CYP3A43: variants seen among roughly 807,000 people sequenced by gnomAD.
The protein encoded by CYP3A43 is cytochrome P450 3A43.
In CYP3A43, 45 loss-of-function variants were observed where a neutral mutation model predicts 58.0. The observed-to-expected ratio is 0.78, with a 90% confidence interval of 0.61 to 0.99. The LOEUF (loss-of-function observed/expected upper bound fraction) is 0.99, where lower values mean the gene tolerates loss of function less well. CYP3A43 is among the 50% of genes least tolerant of loss of function. The pLI, the probability that CYP3A43 is intolerant of heterozygous loss-of-function variation, is 0.00. For synonymous variants in CYP3A43, 191 were observed against 201.4 expected (o/e 0.95, Z 0.44); for missense variants, 593 against 591.9 (o/e 1.00, Z -0.02).
chr7:99,861,583 A>G (rs1274860455), intron 10 of CYP3A43, 30 bp from the exon 11 acceptor site: 23 of 1,597,772 alleles, frequency 1.4e-5, no homozygotes, highest in East Asian at 2.2e-5. Flanking sequence ...CCCAATCTCA[A>G]TTTATCCAAA....
Position 99,855,655 on chromosome 7 carries a change from T to C in CYP3A43, c.735T>C (p.Val245=), listed in dbSNP as rs1312307713. 1.2e-6 allele frequency: 2 copies of C among 1,613,550 alleles called. No individual in the cohort carries two copies. Among genetic ancestry groups the C allele is most frequent in the East Asian group, 2.2e-5 (1 of 44,820 alleles). ...ATATCGGTTTGTTTCCAAAAGATGT[T>C]ACCCATTTTTTAAAAAATTCCATTG... is the stretch of plus-strand genomic sequence containing the variant. ...ALNIGLFPKD[V]THFLKNSIER... Residue 245 remains valine (V), a synonymous_variant, in exon 8 of 13, where the codon GTT becomes GTC. Coordinates refer to ENST00000354829, the MANE Select transcript of CYP3A43 (RefSeq NM_057095.3).
In CYP3A43 at chr7:99,844,019, G is replaced by A. The variant is rs555588061; in HGVS notation, c.219-124G>A. The A allele has an allele frequency of 1.1e-5, 8 of 697,352 alleles. No individual in the cohort carries two copies. In the East Asian group the frequency reaches 2.2e-4, roughly 20 times the overall value. 43.2% of individuals were successfully genotyped at this position (697,352 alleles called of 1,614,324 possible). A position where few individuals can be genotyped will look rare whatever the true frequency, so the allele number is the denominator to read the frequency against. Reference sequence around the variant, plus strand: ...AATTGACCTTGGAGCTGGCTTTGCTGTGTATTGCACAACTGCAAGTATGGA... The same window carrying A: ...AATTGACCTTGGAGCTGGCTTTGCTATGTATTGCACAACTGCAAGTATGGA... On this transcript the variant is annotated intron_variant, in intron 3 of 12. Transcript: ENST00000354829.
At position 99,865,963 on chromosome 7, in the gene CYP3A43, A is replaced by G; in HGVS notation, c.1474A>G (p.Lys492Glu). The G allele has an allele frequency of 6.2e-7, 1 of 1,607,432 alleles. No homozygotes were observed. Reference protein sequence around the residue: ...ILQPEKPIVLKVHLRDGITSG... With the variant: ...ILQPEKPIVLEVHLRDGITSG... ...TCAACCAGAAAAACCTATTGTTCTA[A>G]AAGTGCACTTAAGAGATGGGATTAC... Residue 492 changes from lysine to glutamate, a missense_variant, in exon 13 of 13, where the codon AAA becomes GAA. Lys to Glu is a moderately conservative substitution (Grantham distance 56, BLOSUM62 1). Transcript: ENST00000354829.
At position 99,828,107 on chromosome 7, in the gene CYP3A43, A is replaced by G; in HGVS notation, c.-9A>G. ...ACTCAGAAGACAGAGCTGAAAAAGA[A>G]AACTGGTGATGGATCTCATTCCAAA... On this transcript the variant is annotated 5_prime_UTR_variant, in exon 1 of 13. Transcript: ENST00000354829. The G allele has an allele frequency of 6.2e-7, 1 of 1,612,750 alleles. No individual in the cohort carries two copies. The highest frequency in any genetic ancestry group is 8.5e-7 in the Non-Finnish European group (1 of 1,179,238).
At chr7:99,844,883 A>G (rs1003013612) in intron 4 of CYP3A43, among the ~76,000 whole-genome samples, 1 of 152,102 alleles carries the variant, frequency 6.6e-6, no homozygotes, top group Admixed American at 6.5e-5. Flanking sequence ...ATCCTGGCCA[A>G]CATGGTGAAA....
chr7:99,859,702 T>C lies in CYP3A43; in HGVS notation c.866-128T>C, dbSNP rs569847972. 3.3e-6 allele frequency: 4 copies of C among 1,200,644 alleles called. No individual in the cohort carries two copies. In the South Asian group the frequency reaches 5.6e-5, roughly 17 times the overall value. The allele number at this position is 1,200,644 out of a possible 1,614,324, so 74.4% of individuals were successfully genotyped here. On this transcript the variant is annotated intron_variant, in intron 9 of 12. Coordinates refer to ENST00000354829, the MANE Select transcript of CYP3A43 (RefSeq NM_057095.3). ...CACATCAGAGTGAAGCCACCCGCAGTGTGACTCTGAATTGCTTTTCTATTT... is the reference window on the plus strand; with the variant it reads ...CACATCAGAGTGAAGCCACCCGCAGCGTGACTCTGAATTGCTTTTCTATTT...
chr7:99,854,503 C>A (rs1157526346), intron 7 of CYP3A43, among the ~76,000 whole-genome samples: 1 of 152,124 alleles, frequency 6.6e-6, no homozygotes, highest in Non-Finnish European at 1.5e-5. Flanking sequence ...CCGCGCCCGG[C>A]TGATGATATT....
At chr7:99,852,668 T>C (rs1224187413) in intron 7 of CYP3A43, among the ~76,000 whole-genome samples, 1 of 152,184 alleles carries the variant, frequency 6.6e-6, no homozygotes. Flanking sequence ...TCTGAACACA[T>C]TTGTTAGTTT....
chr7:99,828,095 A>G lies in CYP3A43; in HGVS notation c.-21A>G. 2.5e-6 allele frequency: 4 copies of G among 1,611,050 alleles called. No individual in the cohort carries two copies. The highest frequency in any genetic ancestry group is 3.4e-6 in the Non-Finnish European group (4 of 1,177,982). On this transcript the variant is annotated 5_prime_UTR_variant, in exon 1 of 13. Coordinates refer to ENST00000354829, the MANE Select transcript of CYP3A43 (RefSeq NM_057095.3). ...GCTGAAAGAAAAACTCAGAAGACAG[A>G]GCTGAAAAAGAAAACTGGTGATGGA...
intron 2 of CYP3A43, among the ~76,000 whole-genome samples, chr7:99,837,507 CAAG>C (rs1031350306): frequency 4.6e-5 from 7 of 152,104 alleles, no homozygotes; most frequent in South Asian, 2.1e-4. Context: ...AGAGGAAGAA[CAAG>C]AAGGTTCTGC....
intron 3 of CYP3A43, among the ~76,000 whole-genome samples, chr7:99,843,078 A>C (rs1388175718): frequency 1.3e-5 from 2 of 152,208 alleles, no homozygotes; most frequent in South Asian, 2.1e-4. Context: ...TATTTTATGT[A>C]AAATGGAGAT....
At chr7:99,840,981 A>T (rs1215345041) in intron 3 of CYP3A43, among the ~76,000 whole-genome samples, 1 of 152,092 alleles carries the variant, frequency 6.6e-6, no homozygotes, top group Non-Finnish European at 1.5e-5. Flanking sequence ...TCTCCCATAA[A>T]ATGTTGCTTG....
chr7:99,844,049 G>T (rs2151602194), intron 3 of CYP3A43, 94 bp from the exon 4 acceptor site: 1 of 948,708 alleles, frequency 1.1e-6, no homozygotes, highest in South Asian at 1.6e-5. Flanking sequence ...TATGGATGAT[G>T]GAATGTCAGG....
intron 7 of CYP3A43, among the ~76,000 whole-genome samples, chr7:99,853,414 G>T (rs1443712891): frequency 1.3e-5 from 2 of 151,846 alleles, no homozygotes; most frequent in African/African-American, 4.9e-5. Context: ...ATATCCTTAT[G>T]CTAATTTTTA....
At chr7:99,846,047 G>A (rs932116922) in intron 4 of CYP3A43, among the ~76,000 whole-genome samples, 2 of 152,138 alleles carry the variant, frequency 1.3e-5, no homozygotes, top group African/African-American at 2.4e-5. Context: ...AAAGTGCTGG[G>A]ACTACAGACA....
intron 10 of CYP3A43, among the ~76,000 whole-genome samples, chr7:99,860,270 A>G (rs1360960373): frequency 6.6e-6 from 1 of 152,214 alleles, no homozygotes; most frequent in African/African-American, 2.4e-5. Flanking sequence ...AATCTCAATG[A>G]CAACTAAAAA....
At chr7:99,840,895 G>A (rs1181747646) in intron 3 of CYP3A43, among the ~76,000 whole-genome samples, 4 of 152,178 alleles carry the variant, frequency 2.6e-5, no homozygotes, top group Non-Finnish European at 5.9e-5. Flanking sequence ...GATAGAACCA[G>A]CTAGAGCTTT....
intron 12 of CYP3A43, 74 bp from the exon 13 acceptor site, chr7:99,865,832 A>G: frequency 9.2e-7 from 1 of 1,081,886 alleles, no homozygotes; most frequent in South Asian, 1.6e-5. Context: ...CCTTGATGTC[A>G]TCTTTTTTAT....
intron 1 of CYP3A43, among the ~76,000 whole-genome samples, chr7:99,836,026 A>C (rs1481606094): frequency 1.3e-5 from 2 of 152,206 alleles, no homozygotes; most frequent in Non-Finnish European, 2.9e-5. Context: ...TAACTAGAGC[A>C]GAGCTTGCAG....
Sources: allele counts gnomAD v4.1 joint callset (sites outside exome capture counted in the v4.1 genomes callset), GRCh38; gene constraint gnomAD v4.1.1; transcripts MANE v1.5; gene names NCBI Gene and HGNC (gene_info 2026-07-23, HGNC 2026-07-21).